Variants in SRPRB observed in about 807,000 individuals in gnomAD.
SRPRB encodes the protein signal recognition particle receptor subunit beta.
A neutral mutation model predicts 31.9 loss-of-function variants in SRPRB; 20 were observed. That is an observed-to-expected ratio of 0.63 (90% CI 0.44 to 0.91). The LOEUF (loss-of-function observed/expected upper bound fraction) is 0.91, where lower values mean the gene tolerates loss of function less well. Among genes scored for constraint, SRPRB ranks in the 40% least tolerant of loss-of-function variants. The pLI, the probability that SRPRB is intolerant of heterozygous loss-of-function variation, is 0.00. For synonymous variants in SRPRB, 146 were observed against 132.8 expected (o/e 1.10, Z -0.68); for missense variants, 321 against 324.9 (o/e 0.99, Z 0.09).
downstream of SRPRB, among the ~76,000 whole-genome samples, chr3:133,823,632 TA>T (rs1402492391): frequency 2.6e-5 from 4 of 152,192 alleles, no homozygotes; most frequent in Non-Finnish European, 5.9e-5. Context: ...GCAATTTACC[TA>T]ATCTTGGCCT....
At chr3:133,802,140 T>C (rs981647893), upstream of SRPRB, among the ~76,000 whole-genome samples, 1 of 152,178 alleles carries the variant, frequency 6.6e-6, no homozygotes, top group Non-Finnish European at 1.5e-5. Flanking sequence ...CGTGGTGGCT[T>C]GTGCCTGTAA....
chr3:133,815,961 G>A (rs1349837896), intron 5 of SRPRB, among the ~76,000 whole-genome samples: 1 of 152,052 alleles, frequency 6.6e-6, no homozygotes, highest in African/African-American at 2.4e-5. Context: ...ATTTTTCTTT[G>A]ATACAGTGTT....
chr3:133,804,113 A>G (rs913100826), upstream of SRPRB, among the ~76,000 whole-genome samples: 4 of 150,696 alleles, frequency 2.7e-5, no homozygotes, highest in East Asian at 2.0e-4. Flanking sequence ...AAAAAAAAAA[A>G]AAAGAAAAAA....
chr3:133,791,828 A>G (rs1002347685), intron 1 of SRPRB: 2 of 152,146 alleles, frequency 1.3e-5, no homozygotes, highest in Non-Finnish European at 2.9e-5. Flanking sequence ...CTGTCTGTGT[A>G]TTTATATGTG....
At chr3:133,795,736 C>T (rs571031161) in intron 1 of SRPRB, 188 of 152,042 alleles carry the variant, frequency 1.2e-3, no homozygotes, top group South Asian at 2.9e-3. Context: ...CCACCACGCC[C>T]GGCTAATTTT....
At position 133,806,654 on chromosome 3, in the gene SRPRB, T is replaced by C. The variant is rs761832855; in HGVS notation, c.200T>C (p.Val67Ala). 6.2e-7 allele frequency: 1 copy of C among 1,614,124 alleles called. No individual in the cohort carries two copies. The highest frequency in any genetic ancestry group is 8.5e-7 in the Non-Finnish European group (1 of 1,179,948). The part of the protein sequence containing the change: ...IRSRRSSQRA[V>A]LLVGLCDSGK... ...AGCAGAAGGAGCAGTCAGAGAGCTG[T>C]TCTTCTTGTTGGCCTTTGTGATTCC... is the stretch of plus-strand genomic sequence containing the variant. The change falls in exon 2 of 7, where the codon GTT (valine) becomes GCT (alanine). Residue 67 changes from valine (V) to alanine (A), a missense_variant. Transcript: ENST00000678299.
At chr3:133,787,973 T>A (rs554652640) in intron 1 of SRPRB, 1 of 152,122 alleles carries the variant, frequency 6.6e-6, no homozygotes, top group Non-Finnish European at 1.5e-5. Flanking sequence ...CATGGGCCCA[T>A]ATCCACCAGG....
chr3:133,828,158 G>A (rs896580348), downstream of SRPRB: 2 of 597,308 alleles, frequency 3.3e-6, no homozygotes, highest in Non-Finnish European at 3.0e-6. Flanking sequence ...CTTGGTCTCA[G>A]CTCCACACGA....
Position 133,816,936 on chromosome 3 carries a change from A to G in SRPRB, c.602+4A>G. On this transcript the variant is annotated splice_donor_region_variant and intron_variant, in intron 6 of 6. Transcript: ENST00000678299. ...AACAGCAGCTGGAGAAAGAACTGTA[A>G]GTGTGAAAGAGGCCTGTTGGTTAAT... 6.2e-7 allele frequency: 1 copy of G among 1,609,126 alleles called. No homozygotes were observed. Among genetic ancestry groups the G allele is most frequent in the Non-Finnish European group, 8.5e-7 (1 of 1,177,794 alleles).
intron 3 of SRPRB, 51 bp from the exon 4 acceptor site, chr3:133,811,066 T>C: frequency 1.9e-6 from 3 of 1,577,888 alleles, no homozygotes; most frequent in Middle Eastern, 3.3e-4. Flanking sequence ...AGGTTTATAT[T>C]GTGAACGTGG....
chr3:133,784,319 C>T (rs1204093219), intron 1 of SRPRB: 3 of 151,956 alleles, frequency 2.0e-5, no homozygotes, highest in South Asian at 2.1e-4. Flanking sequence ...ATAGAAGGCC[C>T]GTGTATATCC....
At chr3:133,801,507 C>T (rs1001566664), upstream of SRPRB, among the ~76,000 whole-genome samples, 1 of 152,186 alleles carries the variant, frequency 6.6e-6, no homozygotes, top group Non-Finnish European at 1.5e-5. Flanking sequence ...TTTTCTTGAA[C>T]CTTTTTTCTT....
chr3:133,814,441 T>C (rs1935331423), intron 4 of SRPRB, among the ~76,000 whole-genome samples: 1 of 150,708 alleles, frequency 6.6e-6, no homozygotes, highest in Admixed American at 6.6e-5. Context: ...GGTTTTTTTG[T>C]TTTTTTGTTT....
At chr3:133,784,471 A>AAAAAAAAATAAT (rs763086171) in intron 1 of SRPRB, 1 of 105,602 alleles carries the variant, frequency 9.5e-6, no homozygotes, top group Admixed American at 8.9e-5. Flanking sequence ...TTTGTTAAAA[A>AAAAAAAAATAAT]AATAATAATA....
chr3:133,784,389 C>G (rs778631300), intron 1 of SRPRB: 1 of 151,028 alleles, frequency 6.6e-6, no homozygotes, highest in African/African-American at 2.4e-5. Flanking sequence ...TTTGCTACAT[C>G]GAGCCGTTCT....
chr3:133,823,183 G>T (rs1357078694), downstream of SRPRB, among the ~76,000 whole-genome samples: 2 of 152,228 alleles, frequency 1.3e-5, no homozygotes, highest in Non-Finnish European at 2.9e-5. Flanking sequence ...ACTGGCCTCT[G>T]AAGTGCCAGT....
At chr3:133,801,731 G>A (rs952446185), upstream of SRPRB, among the ~76,000 whole-genome samples, 7 of 152,178 alleles carry the variant, frequency 4.6e-5, no homozygotes, top group Admixed American at 1.3e-4. Context: ...GGGTGTGTGC[G>A]TGTGTTTTGG....
chr3:133,811,242 C>G, intron 4 of SRPRB, 43 bp downstream of exon 4: 1 of 1,588,596 alleles, frequency 6.3e-7, no homozygotes, highest in African/African-American at 1.3e-5. Context: ...AGGTCTGTAT[C>G]TGTATATCAA....
chr3:133,823,810 C>T (rs1935511620), downstream of SRPRB, among the ~76,000 whole-genome samples: 1 of 152,078 alleles, frequency 6.6e-6, no homozygotes, highest in African/African-American at 2.4e-5. Context: ...CATTATAGTT[C>T]ACCTTAAGTT....
Sources: gnomAD v4.1 joint callset for allele counts (sites outside exome capture counted in the v4.1 genomes callset) on GRCh38, gnomAD v4.1.1 for gene constraint, MANE v1.5 for transcripts, NCBI Gene and HGNC (gene_info 2026-07-23, HGNC 2026-07-21) for gene names.